LPAR1: variants seen among roughly 807,000 people sequenced by gnomAD.
LPAR1 encodes lysophosphatidic acid receptor 1.
LPAR1 carries 5 observed loss-of-function variants against 23.8 expected under a neutral mutation model. The observed-to-expected ratio is 0.21, with a 90% confidence interval of 0.11 to 0.44. The LOEUF is 0.44. Ranked by LOEUF, LPAR1 falls within the 20% of genes least tolerant of loss-of-function variation. LPAR1 has a pLI of 0.99. For missense variants in LPAR1, 311 were observed against 482.8 expected (o/e 0.64, Z 3.33); for synonymous variants, 160 against 164.7 (o/e 0.97, Z 0.22).
At chr9:110,959,170 C>A (rs200794130) in intron 4 of LPAR1, among the ~76,000 whole-genome samples, 1,703 of 80,132 alleles carry the variant, frequency 0.021, 1 homozygote, top group Non-Finnish European at 0.023. Flanking sequence ...GATGTCTCTA[C>A]AAAAAAAAAA....
chr9:110,894,177 A>G (rs2085483576), intron 5 of LPAR1, among the ~76,000 whole-genome samples: 1 of 152,236 alleles, frequency 6.6e-6, no homozygotes, highest in South Asian at 2.1e-4. Context: ...GAAGAAAAAT[A>G]GAGATATCTT....
At chr9:110,919,146 G>A (rs2093429716) in intron 5 of LPAR1, among the ~76,000 whole-genome samples, 1 of 152,204 alleles carries the variant, frequency 6.6e-6, no homozygotes, top group African/African-American at 2.4e-5. Flanking sequence ...CCCTGGGTCA[G>A]TTGGACTGAC....
rs574118511 is a variant in LPAR1 at position 111,015,679 on chromosome 9, A to G, written c.-182+20443T>C. Among the ~76,000 whole-genome samples the G allele has an allele frequency of 4.3e-4, 65 of 152,290 alleles. 1 individual carries two copies. Among genetic ancestry groups the G allele is most frequent in the Non-Finnish European group, 6.0e-4 (41 of 68,008 alleles). On this transcript the variant is annotated intron_variant, in intron 2 of 5. Transcript: ENST00000683809. ...GCTAGAGTCAATAATAATGCATTGT[A>G]TATTTCAAAATAAGAGTAAATTTCA...
At chr9:110,960,423 A>G (rs967789048) in intron 4 of LPAR1, among the ~76,000 whole-genome samples, 52 of 152,228 alleles carry the variant, frequency 3.4e-4, no homozygotes, top group Admixed American at 3.1e-3. Context: ...CAGAGAGACG[A>G]TAAGTATCAA....
intron 5 of LPAR1, among the ~76,000 whole-genome samples, chr9:110,892,065 T>C (rs1402097796): frequency 6.6e-6 from 1 of 152,160 alleles, no homozygotes; most frequent in East Asian, 1.9e-4. Context: ...AAAGAATATG[T>C]CCACACAAAG....
At chr9:110,962,320 T>C (rs1294365992) in intron 4 of LPAR1, among the ~76,000 whole-genome samples, 1 of 152,188 alleles carries the variant, frequency 6.6e-6, no homozygotes, top group African/African-American at 2.4e-5. Flanking sequence ...TCTCCTCCAC[T>C]GTCTTTACCA....
At chr9:111,011,387 T>C (rs1207622286) in intron 2 of LPAR1, among the ~76,000 whole-genome samples, 1 of 152,152 alleles carries the variant, frequency 6.6e-6, no homozygotes, top group Non-Finnish European at 1.5e-5. Context: ...GGAAGCTCAC[T>C]ACCTTCCAAG....
intron 2 of LPAR1, among the ~76,000 whole-genome samples, chr9:110,995,898 G>A (rs945636636): frequency 8.5e-5 from 13 of 152,052 alleles, no homozygotes; most frequent in African/African-American, 2.2e-4. Flanking sequence ...ATATAATAGC[G>A]GACACTTTTA....
intron 5 of LPAR1, among the ~76,000 whole-genome samples, chr9:110,922,375 TA>T (rs1438343381): frequency 1.3e-5 from 2 of 152,172 alleles, no homozygotes; most frequent in Non-Finnish European, 2.9e-5. Flanking sequence ...TGATATCTGC[TA>T]TAATAAAAAT....
Position 110,957,339 on chromosome 9 carries a change from CA to C in LPAR1, c.45+14733del, listed in dbSNP as rs35370181. On this transcript the variant is annotated intron_variant, in intron 4 of 5. Transcript: ENST00000683809. ...TAGGTGATAGAGTGATACTCTGTCT[CA>C]AAAAAAAAAAAATAATAATAATAAT... Among the ~76,000 whole-genome samples the C allele has an allele frequency of 4.0e-3, 556 of 140,424 alleles. 1 individual carries two copies. The highest frequency in any genetic ancestry group is 5.5e-3 in the Non-Finnish European group (357 of 65,256). 92.1% of individuals were successfully genotyped at this position (140,424 alleles called of 152,430 possible).
rs548450129 is a variant in LPAR1 at position 111,003,583 on chromosome 9, C to A, written c.-181-30025G>T. Among the ~76,000 whole-genome samples the A allele has an allele frequency of 2.2e-4, 34 of 152,288 alleles. 1 individual carries two copies. The Middle Eastern group carries it at 0.01, about 46-fold the overall frequency. On this transcript the variant is annotated intron_variant, in intron 2 of 5. Transcript: ENST00000683809. ...TTATTTGGAAGGAAAATCTCCTTCT[C>A]TTTGGGGAGGGTAAGATAAGTACAG...
intron 5 of LPAR1, among the ~76,000 whole-genome samples, chr9:110,900,464 A>G (rs2088420585): frequency 6.6e-6 from 1 of 152,236 alleles, no homozygotes; most frequent in South Asian, 2.1e-4. Flanking sequence ...CATACCTAGA[A>G]TAATTTAAGA....
At chr9:110,984,031 G>T (rs1237559780) in intron 2 of LPAR1, among the ~76,000 whole-genome samples, 1 of 151,908 alleles carries the variant, frequency 6.6e-6, no homozygotes, top group African/African-American at 2.4e-5. Flanking sequence ...ATATTCTGAT[G>T]CAGGCATGCA....
intron 4 of LPAR1, among the ~76,000 whole-genome samples, chr9:110,958,248 C>T (rs917027917): frequency 6.6e-6 from 1 of 152,024 alleles, no homozygotes; most frequent in Non-Finnish European, 1.5e-5. Flanking sequence ...CATACAGAAC[C>T]AAAAACAAGC....
intron 5 of LPAR1, among the ~76,000 whole-genome samples, chr9:110,899,959 T>C (rs2088096273): frequency 6.6e-6 from 1 of 152,200 alleles, no homozygotes; most frequent in Non-Finnish European, 1.5e-5. Context: ...GCCAAATGTT[T>C]TCCTAGGGGC....
chr9:110,891,127 T>C (rs1261915199), intron 5 of LPAR1, among the ~76,000 whole-genome samples: 10 of 152,204 alleles, frequency 6.6e-5, no homozygotes, highest in Admixed American at 6.5e-4. Context: ...TCAGATTGCC[T>C]GCTTGTTAAT....
intron 2 of LPAR1, among the ~76,000 whole-genome samples, chr9:110,986,607 A>G (rs2139353050): frequency 6.6e-6 from 1 of 152,146 alleles, no homozygotes; most frequent in South Asian, 2.1e-4. Context: ...TAATTCCCAA[A>G]TGGCCTAAAA....
At chr9:110,956,792 TAA>T (rs147956414) in intron 4 of LPAR1, among the ~76,000 whole-genome samples, 18,780 of 152,032 alleles carry the variant, frequency 0.12, 1,291 homozygotes, top group South Asian at 0.22. Flanking sequence ...GAATCAGTAA[TAA>T]AAAGTCTCCC....
At chr9:110,904,631 T>G (rs1429783110) in intron 5 of LPAR1, among the ~76,000 whole-genome samples, 2 of 152,228 alleles carry the variant, frequency 1.3e-5, no homozygotes, top group Non-Finnish European at 2.9e-5. Flanking sequence ...TACCTCATTC[T>G]GAGACAGAAC....
Sources: gnomAD v4.1 joint callset for allele counts (sites outside exome capture counted in the v4.1 genomes callset) on GRCh38, gnomAD v4.1.1 for gene constraint, MANE v1.5 for transcripts, NCBI Gene and HGNC (gene_info 2026-07-23, HGNC 2026-07-21) for gene names.